The following INKA1 variants were observed in gnomAD, a reference collection of about 807,000 sequenced individuals.
INKA1 encodes inka box actin regulator 1, also known as PAK4-inhibitor INKA1.
In INKA1, 14 loss-of-function variants were observed where a neutral mutation model predicts 21.3. The observed-to-expected ratio is 0.66, with a 90% confidence interval of 0.43 to 1.03. The LOEUF is 1.03. INKA1 is among the 50% of genes least tolerant of loss of function. The pLI is 0.00. For synonymous variants in INKA1, 133 were observed against 143.3 expected (o/e 0.93, Z 0.51); for missense variants, 353 against 379.0 (o/e 0.93, Z 0.57).
Position 49,804,227 on chromosome 3 carries a change from A to G in INKA1, c.98A>G (p.Gln33Arg), listed in dbSNP as rs201597440. ...TGSPSMPGPL[Q>R]PTSQTGPDVQ... ...TCACCCTCAATGCCTGGTCCCCTGC[A>G]GCCAACCTCCCAAACTGGCCCAGAT... Residue 33 changes from glutamine (Q) to arginine (R), a missense_variant, in exon 2 of 2, where the codon CAG (glutamine) becomes CGG (arginine). By Grantham distance (43) the Gln-to-Arg change is conservative (BLOSUM62 1). Coordinates refer to ENST00000333323, the MANE Select transcript of INKA1 (RefSeq NM_203370.2). This position sits in a 1 kb window ranked among gnomAD's most constrained non-coding sequence, Gnocchi z 6.7. 1.9e-6 allele frequency: 3 copies of G among 1,606,822 alleles called. No homozygotes were observed. Among genetic ancestry groups the G allele is most frequent in the Non-Finnish European group, 2.6e-6 (3 of 1,175,652 alleles).
Position 49,804,851 on chromosome 3 carries a change from C to T in INKA1, c.722C>T (p.Thr241Ile). The change falls in exon 2 of 2, where the codon ACA becomes ATA. Residue 241 changes from threonine (T) to isoleucine (I), a missense_variant. Coordinates refer to ENST00000333323, the MANE Select transcript of INKA1 (RefSeq NM_203370.2). This position sits in a 1 kb window ranked among gnomAD's most constrained non-coding sequence, Gnocchi z 6.7. ...CGCCGGCTGGCCAGGGCTCGGCGGA[C>T]AGCTATGGCAGGAAAGCGGCTGTCA... ...LRRRLARARR[T>I]AMAGKRLSCP... 4.3e-6 allele frequency: 7 copies of T among 1,612,898 alleles called. No homozygotes were observed. The highest frequency in any genetic ancestry group is 5.9e-6 in the Non-Finnish European group (7 of 1,179,958).
At position 49,803,494 on chromosome 3, in the gene INKA1, G is replaced by A; in HGVS notation, c.51+51G>A. The A allele has an allele frequency of 6.6e-7, 1 of 1,520,834 alleles. No homozygotes were observed. The highest frequency in any genetic ancestry group is 8.9e-7 in the Non-Finnish European group (1 of 1,127,490). 94.2% of individuals were successfully genotyped at this position (1,520,834 alleles called of 1,614,324 possible). ...AGTGAGGACGCGTGCGGGATGCCAG[G>A]CTGCCGCCCGGCCGGAACAACAGAC... is the stretch of plus-strand genomic sequence containing the variant. On this transcript the variant is annotated intron_variant, in intron 1 of 1. Transcript: ENST00000333323. This position sits in a 1 kb window ranked among gnomAD's most constrained non-coding sequence, Gnocchi z 4.8.
In INKA1 at chr3:49,803,368, G is replaced by T; in HGVS notation, c.-25G>T. 6.6e-7 allele frequency: 1 copy of T among 1,511,652 alleles called. No homozygotes were observed. Among genetic ancestry groups the T allele is most frequent in the Non-Finnish European group, 8.8e-7 (1 of 1,133,562 alleles). The allele number at this position is 1,511,652 out of a possible 1,614,324, so 93.6% of individuals were successfully genotyped here. On this transcript the variant is annotated 5_prime_UTR_variant, in exon 1 of 2. Coordinates refer to ENST00000333323, the MANE Select transcript of INKA1 (RefSeq NM_203370.2). The surrounding 1 kb of genome is among the most constrained non-coding windows in gnomAD (Gnocchi z 4.8). The stretch of plus-strand genomic sequence containing the variant: ...CCGGGGTTCCAAGAGGAGCTAGTAG[G>T]TTCGGTGGGGGCCCTGGCATGGACA...
At position 49,804,137 on chromosome 3, in the gene INKA1, T is replaced by G; in HGVS notation, c.52-44T>G. The G allele has an allele frequency of 1.3e-6, 2 of 1,514,248 alleles. No homozygotes were observed. Among genetic ancestry groups the G allele is most frequent in the Non-Finnish European group, 1.8e-6 (2 of 1,120,980 alleles). The allele number at this position is 1,514,248 out of a possible 1,614,324, so 93.8% of individuals were successfully genotyped here. A position where few individuals can be genotyped will look rare whatever the true frequency, so the allele number is the denominator to read the frequency against. The stretch of plus-strand genomic sequence containing the variant: ...CCCTCTGTTCTCTGGGCTGGCCTGG[T>G]GACAAGTGATACCTCTCCGACTTCT... On this transcript the variant is annotated intron_variant, in intron 1 of 1. Transcript: ENST00000333323. This position sits in a 1 kb window ranked among gnomAD's most constrained non-coding sequence, Gnocchi z 6.7.
chr3:49,803,406 G>A lies in INKA1; in HGVS notation c.14G>A (p.Arg5Gln). 6.4e-7 allele frequency: 1 copy of A among 1,552,236 alleles called. No individual in the cohort carries two copies. The highest frequency in any genetic ancestry group is 8.7e-7 in the Non-Finnish European group (1 of 1,152,464). Reference sequence around the variant, plus strand: ...CCTGGCATGGACATGCACAGCGCTCGGCTTGACAGCTTCCTTAGCCAGCTC... The same window carrying A: ...CCTGGCATGGACATGCACAGCGCTCAGCTTGACAGCTTCCTTAGCCAGCTC... Reference protein sequence around the residue: MHSARLDSFLSQLRW... With the variant: MHSAQLDSFLSQLRW... Residue 5 changes from arginine (R) to glutamine (Q), a missense_variant, in exon 1 of 2, where the codon CGG becomes CAG. Coordinates refer to ENST00000333323, the MANE Select transcript of INKA1 (RefSeq NM_203370.2). This position sits in a 1 kb window ranked among gnomAD's most constrained non-coding sequence, Gnocchi z 4.8.
At position 49,804,396 on chromosome 3, in the gene INKA1, C is replaced by A. The variant is rs1291746305; in HGVS notation, c.267C>A (p.Ala89=). The change falls in exon 2 of 2, where the codon GCC becomes GCA. Residue 89 remains alanine, a synonymous_variant. Coordinates refer to ENST00000333323, the MANE Select transcript of INKA1 (RefSeq NM_203370.2). The surrounding 1 kb of genome is among the most constrained non-coding windows in gnomAD (Gnocchi z 6.7). ...CCTTGGGAGGCCCCAGGGAGCATGC[C>A]CTGGACTGGGACTCTGGCTTCTCGG... is the stretch of plus-strand genomic sequence containing the variant. ...DAALGGPREH[A]LDWDSGFSEV... is the part of the protein sequence containing the mutation. 5.6e-6 allele frequency: 9 copies of A among 1,613,248 alleles called. No homozygotes were observed. The highest frequency in any genetic ancestry group is 7.6e-6 in the Non-Finnish European group (9 of 1,179,946).
Position 49,804,915 on chromosome 3 carries a change from C to T in INKA1, c.786C>T (p.Val262=), listed in dbSNP as rs778691876. The T allele has an allele frequency of 6.2e-7, 1 of 1,613,038 alleles. No homozygotes were observed. The highest frequency in any genetic ancestry group is 1.7e-5 in the Admixed American group (1 of 60,022). The change falls in exon 2 of 2, where the codon GTC becomes GTT. Residue 262 remains valine (V), a synonymous_variant. Transcript: ENST00000333323. This position sits in a 1 kb window ranked among gnomAD's most constrained non-coding sequence, Gnocchi z 6.7. The stretch of plus-strand genomic sequence containing the variant: ...CAGAACCTGAACTGCCTGCGGATGT[C>T]TCACGCTTTGCAGCTCTCATGAGCT... The part of the protein sequence containing the change: ...PRPEPELPAD[V]SRFAALMSCR...
Position 49,804,611 on chromosome 3 carries a change from A to C in INKA1, c.482A>C (p.His161Pro). The change falls in exon 2 of 2, where the codon CAC (histidine) becomes CCC (proline). Residue 161 changes from histidine (H) to proline (P), a missense_variant. His to Pro is a moderately conservative substitution (Grantham distance 77, BLOSUM62 -2). Coordinates refer to ENST00000333323, the MANE Select transcript of INKA1 (RefSeq NM_203370.2). The surrounding 1 kb of genome is among the most constrained non-coding windows in gnomAD (Gnocchi z 6.7). The stretch of plus-strand genomic sequence containing the variant: ...TCCACCCCAGACGCCTGCCTGGAGC[A>C]CTGGCAGGGACTGGAAGCAGAGGAC... The part of the protein sequence containing the change: ...PKSTPDACLE[H>P]WQGLEAEDWT... 2 of 1,613,276 alleles carry C rather than the reference A, an allele frequency of 1.2e-6. No homozygotes were observed. Among genetic ancestry groups the C allele is most frequent in the Non-Finnish European group, 1.7e-6 (2 of 1,180,016 alleles).
At position 49,803,497 on chromosome 3, in the gene INKA1, G is replaced by A. The variant is rs1293238798; in HGVS notation, c.51+54G>A. 2.0e-6 allele frequency: 3 copies of A among 1,512,618 alleles called. No individual in the cohort carries two copies. Among genetic ancestry groups the A allele is most frequent in the African/African-American group, 2.8e-5 (2 of 70,874 alleles). The allele number at this position is 1,512,618 out of a possible 1,614,324, so 93.7% of individuals were successfully genotyped here. ...GAGGACGCGTGCGGGATGCCAGGCT[G>A]CCGCCCGGCCGGAACAACAGACGGG... is the stretch of plus-strand genomic sequence containing the variant. On this transcript the variant is annotated intron_variant, in intron 1 of 1. Coordinates refer to ENST00000333323, the MANE Select transcript of INKA1 (RefSeq NM_203370.2). The surrounding 1 kb of genome is among the most constrained non-coding windows in gnomAD (Gnocchi z 4.8).
chr3:49,803,706 G>A lies in INKA1; in HGVS notation c.51+263G>A, dbSNP rs2081400976. Among the ~76,000 whole-genome samples, 1 of 152,020 alleles carries A rather than the reference G, an allele frequency of 6.6e-6. No homozygotes were observed. The highest frequency in any genetic ancestry group is 1.5e-5 in the Non-Finnish European group (1 of 67,980). The stretch of plus-strand genomic sequence containing the variant: ...AGAGTGGAAGGGGGACTTCTTTGGG[G>A]GCGGGGCATGGGGCGGCAAGGGACT... On this transcript the variant is annotated intron_variant, in intron 1 of 1. Transcript: ENST00000333323. The surrounding 1 kb of genome is among the most constrained non-coding windows in gnomAD (Gnocchi z 4.8).
Position 49,803,379 on chromosome 3 carries a change from G to A in INKA1, c.-14G>A, listed in dbSNP as rs1469207616. 1.3e-6 allele frequency: 2 copies of A among 1,521,844 alleles called. No homozygotes were observed. The highest frequency in any genetic ancestry group is 1.4e-5 in the African/African-American group (1 of 69,998). 94.3% of individuals were successfully genotyped at this position (1,521,844 alleles called of 1,614,324 possible). A position where few individuals can be genotyped will look rare whatever the true frequency, so the allele number is the denominator to read the frequency against. On this transcript the variant is annotated 5_prime_UTR_variant, in exon 1 of 2. Coordinates refer to ENST00000333323, the MANE Select transcript of INKA1 (RefSeq NM_203370.2). The surrounding 1 kb of genome is among the most constrained non-coding windows in gnomAD (Gnocchi z 4.8). ...AGAGGAGCTAGTAGGTTCGGTGGGG[G>A]CCCTGGCATGGACATGCACAGCGCT...
chr3:49,804,688 G>C lies in INKA1; in HGVS notation c.559G>C (p.Gly187Arg), dbSNP rs1344429137. ...TCGCAGTCGCCAGCCCCTGGTACTA[G>C]GGGACAATTGCTTTGCTGACTTGGT... The part of the protein sequence containing the change: ...RGRSRQPLVL[G>R]DNCFADLVHN... The change falls in exon 2 of 2, where the codon GGG becomes CGG. Residue 187 changes from glycine to arginine, a missense_variant. By Grantham distance (125) the Gly-to-Arg change is moderately radical (BLOSUM62 -2). Coordinates refer to ENST00000333323, the MANE Select transcript of INKA1 (RefSeq NM_203370.2). This position sits in a 1 kb window ranked among gnomAD's most constrained non-coding sequence, Gnocchi z 6.7. 1 of 1,613,222 alleles carries C rather than the reference G, an allele frequency of 6.2e-7. No individual in the cohort carries two copies.
Position 49,803,363 on chromosome 3 carries a change from A to AC in INKA1, c.-30_-29insC. The AC allele has an allele frequency of 6.6e-7, 1 of 1,504,262 alleles. No homozygotes were observed. Among genetic ancestry groups the AC allele is most frequent in the Non-Finnish European group, 8.8e-7 (1 of 1,130,060 alleles). The allele number at this position is 1,504,262 out of a possible 1,614,324, so 93.2% of individuals were successfully genotyped here. A position where few individuals can be genotyped will look rare whatever the true frequency, so the allele number is the denominator to read the frequency against. ...CTCCGCCGGGGTTCCAAGAGGAGCT[A>AC]GTAGGTTCGGTGGGGGCCCTGGCAT... On this transcript the variant is annotated 5_prime_UTR_variant, in exon 1 of 2. Coordinates refer to ENST00000333323, the MANE Select transcript of INKA1 (RefSeq NM_203370.2). The surrounding 1 kb of genome is among the most constrained non-coding windows in gnomAD (Gnocchi z 4.8).
rs367793741 is a variant in INKA1 at position 49,804,982 on chromosome 3, C to T, written c.853C>T (p.Leu285Phe). The change falls in exon 2 of 2, where the codon CTC becomes TTC. Residue 285 changes from leucine (L) to phenylalanine (F), a missense_variant. Leu to Phe is a conservative substitution (Grantham distance 22). Transcript: ENST00000333323. The surrounding 1 kb of genome is among the most constrained non-coding windows in gnomAD (Gnocchi z 6.7). The part of the protein sequence containing the change: ...QPIICNDVSY[L>F] The stretch of plus-strand genomic sequence containing the variant: ...CATCATCTGCAATGATGTCAGCTAC[C>T]TCTGACCCTGCCCTCCAGCCTGGGA... The T allele has an allele frequency of 2.7e-5, 43 of 1,605,660 alleles. No homozygotes were observed. The highest frequency in any genetic ancestry group is 3.4e-5 in the Non-Finnish European group (40 of 1,174,194).
Position 49,804,592 on chromosome 3 carries a change from C to T in INKA1, c.463C>T (p.Pro155Ser), listed in dbSNP as rs768848261. Residue 155 changes from proline (P) to serine (S), a missense_variant, in exon 2 of 2, where the codon CCA becomes TCA. By Grantham distance (74) the Pro-to-Ser change is moderately conservative. Transcript: ENST00000333323. This position sits in a 1 kb window ranked among gnomAD's most constrained non-coding sequence, Gnocchi z 6.7. ...PVHHPRPKST[P>S]DACLEHWQGL... ...CCACCATCCACGGCCCAAGTCCACC[C>T]CAGACGCCTGCCTGGAGCACTGGCA... The T allele has an allele frequency of 6.2e-7, 1 of 1,613,420 alleles. No individual in the cohort carries two copies. The highest frequency in any genetic ancestry group is 8.5e-7 in the Non-Finnish European group (1 of 1,180,030).
chr3:49,804,152 C>G lies in INKA1; in HGVS notation c.52-29C>G, dbSNP rs983318205. 1.3e-6 allele frequency: 2 copies of G among 1,541,980 alleles called. No individual in the cohort carries two copies. Among genetic ancestry groups the G allele is most frequent in the Non-Finnish European group, 8.8e-7 (1 of 1,141,074 alleles). On this transcript the variant is annotated intron_variant, in intron 1 of 1. Transcript: ENST00000333323. The surrounding 1 kb of genome is among the most constrained non-coding windows in gnomAD (Gnocchi z 6.7). ...GCTGGCCTGGTGACAAGTGATACCT[C>G]TCCGACTTCTGCCCTCTCTTCCCCT...
chr3:49,804,597 C>CTGG lies in INKA1; in HGVS notation c.468_469insTGG (p.Asp156_Ala157insTrp), dbSNP rs1559429111. The CTGG allele has an allele frequency of 6.2e-7, 1 of 1,613,398 alleles. No individual in the cohort carries two copies. Among genetic ancestry groups the CTGG allele is most frequent in the Admixed American group, 1.7e-5 (1 of 60,028 alleles). ...ATCCACGGCCCAAGTCCACCCCAGA[C>CTGG]GCCTGCCTGGAGCACTGGCAGGGAC... On this transcript the variant is annotated inframe_insertion, in exon 2 of 2. Coordinates refer to ENST00000333323, the MANE Select transcript of INKA1 (RefSeq NM_203370.2). The surrounding 1 kb of genome is among the most constrained non-coding windows in gnomAD (Gnocchi z 6.7).
In INKA1 at chr3:49,803,514, A is replaced by G; in HGVS notation, c.51+71A>G. ...GCCAGGCTGCCGCCCGGCCGGAACA[A>G]CAGACGGGTGCGGGGTGGCTCCAGC... On this transcript the variant is annotated intron_variant, in intron 1 of 1. Coordinates refer to ENST00000333323, the MANE Select transcript of INKA1 (RefSeq NM_203370.2). This position sits in a 1 kb window ranked among gnomAD's most constrained non-coding sequence, Gnocchi z 4.8. 1 of 1,461,458 alleles carries G rather than the reference A, an allele frequency of 6.8e-7. No homozygotes were observed. The highest frequency in any genetic ancestry group is 9.3e-7 in the Non-Finnish European group (1 of 1,077,986). 90.5% of individuals were successfully genotyped at this position (1,461,458 alleles called of 1,614,324 possible). A position where few individuals can be genotyped will look rare whatever the true frequency, so the allele number is the denominator to read the frequency against.
chr3:49,804,515 T>C lies in INKA1; in HGVS notation c.386T>C (p.Val129Ala). 6.2e-7 allele frequency: 1 copy of C among 1,613,370 alleles called. No individual in the cohort carries two copies. The highest frequency in any genetic ancestry group is 8.5e-7 in the Non-Finnish European group (1 of 1,179,994). Residue 129 changes from valine (V) to alanine (A), a missense_variant, in exon 2 of 2, where the codon GTC (valine) becomes GCC (alanine). By Grantham distance (64) the Val-to-Ala change is moderately conservative. Transcript: ENST00000333323. This position sits in a 1 kb window ranked among gnomAD's most constrained non-coding sequence, Gnocchi z 6.7. ...AQPLRRQCLSVSGLPMPSRAP... is the reference protein window; with the variant it reads ...AQPLRRQCLSASGLPMPSRAP... ...CCCCTTCGTAGGCAGTGCCTCTCAGTCAGTGGCCTCCCCATGCCCAGCAGG... is the reference window on the plus strand; with the variant it reads ...CCCCTTCGTAGGCAGTGCCTCTCAGCCAGTGGCCTCCCCATGCCCAGCAGG...
Sources: gnomAD v4.1 joint callset for allele counts (sites outside exome capture counted in the v4.1 genomes callset) on GRCh38, gnomAD v4.1.1 for gene constraint, Gnocchi (gnomAD v3.1) non-coding constraint, MANE v1.5 for transcripts, NCBI Gene and HGNC (gene_info 2026-07-23, HGNC 2026-07-21) for gene names.